ARHGAP23: variants seen among roughly 807,000 people sequenced by gnomAD.
ARHGAP23 encodes the protein Rho GTPase activating protein 23.
ARHGAP23 carries 34 observed loss-of-function variants against 136.3 expected under a neutral mutation model. The observed-to-expected ratio is 0.25, with a 90% CI of 0.19 to 0.33. ARHGAP23 has a LOEUF of 0.33. ARHGAP23 is among the 10% of genes least tolerant of loss of function. The probability of loss-of-function intolerance (pLI) is 1.00; values close to 1 mark genes in which losing one functional copy is unlikely to be tolerated. For missense variants in ARHGAP23, 1,808 were observed against 2,139.0 expected (o/e 0.85, Z 3.05); for synonymous variants, 832 against 920.5 (o/e 0.90, Z 1.74).
chr17:38,457,735 G>A (rs758271721), intron 1 of ARHGAP23: 11 of 337,420 alleles, frequency 3.3e-5, no homozygotes, highest in Non-Finnish European at 5.5e-5. Context: ...CTAAGACAAC[G>A]ACAGGCACTT....
chr17:38,440,680 G>T (rs992140355), intron 1 of ARHGAP23, among the ~76,000 whole-genome samples: 7 of 152,328 alleles, frequency 4.6e-5, no homozygotes, highest in African/African-American at 1.4e-4. Flanking sequence ...AAGAGGAACC[G>T]GCTCTGAAGG....
Position 38,477,687 on chromosome 17 carries a change from G to C in ARHGAP23, c.2227G>C (p.Ala743Pro). The C allele has an allele frequency of 7.2e-7, 1 of 1,381,052 alleles. No homozygotes were observed. 85.5% of individuals were successfully genotyped at this position (1,381,052 alleles called of 1,614,324 possible). Residue 743 changes from alanine (A) to proline (P), a missense_variant, in exon 12 of 24, where the codon GCT (alanine) becomes CCT (proline). Physicochemically the swap from Ala to Pro is conservative, Grantham distance 27. This residue lies in a region of ARHGAP23 where 139 missense variants were observed against 264.3 expected (regional missense o/e 0.53). Coordinates refer to ENST00000622683, the MANE Select transcript of ARHGAP23 (RefSeq NM_001199417.2). The surrounding 1 kb of genome is among the most constrained non-coding windows in gnomAD (Gnocchi z 6.6). ...GGAGCCCGGGCCGGCGGCGGCGGGG[G>C]CTGCGGCGGCCGGCGCAGGTGAGGA... The part of the protein sequence containing the change: ...RREPGPAAAG[A>P]AAAGAGEDEA...
chr17:38,485,754 G>C (rs573027903), intron 16 of ARHGAP23, among the ~76,000 whole-genome samples: 203 of 152,298 alleles, frequency 1.3e-3, no homozygotes, highest in African/African-American at 4.6e-3. Context: ...TGCTTAAACT[G>C]TGCCCAGTGG....
At chr17:38,451,461 T>C (rs2039164749) in intron 1 of ARHGAP23, 1 of 152,254 alleles carries the variant, frequency 6.6e-6, no homozygotes, top group African/African-American at 2.4e-5. Flanking sequence ...CCCTCAGCGG[T>C]TTTGAATTCC....
At chr17:38,432,284 C>A (rs189095121) in intron 1 of ARHGAP23, among the ~76,000 whole-genome samples, 9 of 152,344 alleles carry the variant, frequency 5.9e-5, no homozygotes, top group Non-Finnish European at 4.4e-5. Context: ...CACCTGTAAT[C>A]CCAGCACTTT....
chr17:38,465,690 A>T (rs543378397), intron 6 of ARHGAP23, among the ~76,000 whole-genome samples: 1 of 151,918 alleles, frequency 6.6e-6, no homozygotes, highest in Non-Finnish European at 1.5e-5. Flanking sequence ...ATTCCCGGGG[A>T]TGGAGGGACA....
At chr17:38,448,615 G>A (rs2039085843) in intron 1 of ARHGAP23, among the ~76,000 whole-genome samples, 2 of 149,398 alleles carry the variant, frequency 1.3e-5, no homozygotes, top group South Asian at 4.2e-4. Flanking sequence ...CCCCTGAGCT[G>A]TGCTGCCACT....
At chr17:38,495,655 G>A (rs1342606718) in intron 20 of ARHGAP23, among the ~76,000 whole-genome samples, 3 of 152,154 alleles carry the variant, frequency 2.0e-5, no homozygotes, top group African/African-American at 7.2e-5. Context: ...TAATAACTGA[G>A]GCTCATGGCG....
intron 6 of ARHGAP23, among the ~76,000 whole-genome samples, chr17:38,465,868 A>C (rs2039578490): frequency 6.6e-6 from 1 of 151,866 alleles, no homozygotes; most frequent in African/African-American, 2.4e-5. Context: ...GGACTGGGGG[A>C]GGACCCCAGG....
chr17:38,479,931 A>G (rs1321455109), intron 14 of ARHGAP23, 48 bp downstream of exon 14: 2 of 658,638 alleles, frequency 3.0e-6, no homozygotes, highest in Non-Finnish European at 5.0e-6. Flanking sequence ...GGCAGGGGGC[A>G]TGGGGAGGGG....
In ARHGAP23 at chr17:38,467,341, G is replaced by GGTACAT; in HGVS notation, c.1648+13_1648+18dup. On this transcript the variant is annotated intron_variant, in intron 7 of 23. Transcript: ENST00000622683. ...TCCATCCCCTTTATTGGTGAGTGAT[G>GGTACAT]GTACATGTGGCTGTCCTGGGGGACT... is the stretch of plus-strand genomic sequence containing the variant. The GGTACAT allele has an allele frequency of 6.8e-7, 1 of 1,463,236 alleles. No individual in the cohort carries two copies. Among genetic ancestry groups the GGTACAT allele is most frequent in the South Asian group, 1.4e-5 (1 of 69,162 alleles). 90.6% of individuals were successfully genotyped at this position (1,463,236 alleles called of 1,614,324 possible). A position where few individuals can be genotyped will look rare whatever the true frequency, so the allele number is the denominator to read the frequency against.
Position 38,479,753 on chromosome 17 carries a change from C to T in ARHGAP23, c.2499C>T (p.Ser833=), listed in dbSNP as rs1414803733. ...SKKLNDYRKV[S]HSSGPKADSS... is the part of the protein sequence containing the mutation. The stretch of plus-strand genomic sequence containing the variant: ...TCCTCTCCCCCTTTTTCCTACACAG[C>T]CATAGCTCTGGGCCCAAAGCTGATT... Residue 833 remains serine (S), a splice_region_variant and synonymous_variant, in exon 14 of 24, where the codon AGC becomes AGT. Transcript: ENST00000622683. The T allele has an allele frequency of 4.1e-6, 6 of 1,479,538 alleles. No individual in the cohort carries two copies. Among genetic ancestry groups the T allele is most frequent in the Middle Eastern group, 2.5e-4 (1 of 4,024 alleles). 91.7% of individuals were successfully genotyped at this position (1,479,538 alleles called of 1,614,324 possible). A position where few individuals can be genotyped will look rare whatever the true frequency, so the allele number is the denominator to read the frequency against.
chr17:38,457,114 T>C (rs1188839177), intron 1 of ARHGAP23, among the ~76,000 whole-genome samples: 4 of 152,248 alleles, frequency 2.6e-5, no homozygotes, highest in African/African-American at 9.6e-5. Flanking sequence ...TTCACCATGT[T>C]GGCCAGGCTG....
At chr17:38,460,958 A>G (rs1567793451) in intron 3 of ARHGAP23, 26 bp downstream of exon 3, 3 of 1,535,556 alleles carry the variant, frequency 2.0e-6, no homozygotes, top group Non-Finnish European at 2.6e-6. Context: ...CGGGCGCTGG[A>G]CCTGCACGGG....
chr17:38,421,569 G>T (rs1395562488), intron 1 of ARHGAP23, among the ~76,000 whole-genome samples: 2 of 152,228 alleles, frequency 1.3e-5, no homozygotes, highest in Non-Finnish European at 2.9e-5. Flanking sequence ...TTTATAGTGC[G>T]TGAGCCGCCG....
chr17:38,482,643 A>T lies in ARHGAP23; in HGVS notation c.2872A>T (p.Asn958Tyr). 1 of 1,549,280 alleles carries T rather than the reference A, an allele frequency of 6.5e-7. No individual in the cohort carries two copies. Among genetic ancestry groups the T allele is most frequent in the Non-Finnish European group, 8.7e-7 (1 of 1,146,606 alleles). ...AVVSSLQEQL[N>Y]RGPGDINLQD... ...GGTGTCCAGCCTACAGGAGCAGCTC[A>T]ACCGCGGGCCTGGTGACATCAACCT... Residue 958 changes from asparagine to tyrosine, a missense_variant, in exon 16 of 24, where the codon AAC (asparagine) becomes TAC (tyrosine). This residue lies in a region of ARHGAP23 where 105 missense variants were observed against 200.6 expected (regional missense o/e 0.52). Coordinates refer to ENST00000622683, the MANE Select transcript of ARHGAP23 (RefSeq NM_001199417.2).
intron 23 of ARHGAP23, among the ~76,000 whole-genome samples, chr17:38,506,004 C>A (rs539068325): frequency 6.6e-6 from 1 of 152,170 alleles, no homozygotes; most frequent in Non-Finnish European, 1.5e-5. Context: ...GTGGCAAGTT[C>A]AAGGAGTTTA....
intron 10 of ARHGAP23, among the ~76,000 whole-genome samples, chr17:38,470,244 C>T (rs1031435595): frequency 2.6e-5 from 4 of 152,198 alleles, no homozygotes; most frequent in African/African-American, 9.7e-5. Flanking sequence ...CATTTCACGC[C>T]TCCCTTCGCT....
At chr17:38,496,186 C>T (rs1270669612) in intron 20 of ARHGAP23, among the ~76,000 whole-genome samples, 2 of 152,166 alleles carry the variant, frequency 1.3e-5, no homozygotes, top group African/African-American at 4.8e-5. Context: ...ATGTGAGTCA[C>T]TGCACCGGGC....
Sources: allele counts gnomAD v4.1 joint callset (sites outside exome capture counted in the v4.1 genomes callset), GRCh38; gene constraint gnomAD v4.1.1; regional missense constraint gnomAD v4.1.1; non-coding constraint Gnocchi (gnomAD v3.1); transcripts MANE v1.5; gene names NCBI Gene and HGNC (gene_info 2026-07-23, HGNC 2026-07-21).